The following ZNF385B variants were observed in gnomAD, a reference collection of about 807,000 sequenced individuals.
The protein encoded by ZNF385B is zinc finger protein 533.
Under a neutral mutation model 39.2 loss-of-function variants are expected in ZNF385B, and 23 were observed. That is an observed-to-expected ratio of 0.59 (90% CI 0.42 to 0.83). The LOEUF is 0.83. Ranked by LOEUF, ZNF385B falls within the 40% of genes least tolerant of loss-of-function variation. The pLI, the probability that ZNF385B is intolerant of heterozygous loss-of-function variation, is 0.00. For missense variants in ZNF385B, 552 were observed against 598.9 expected, an observed-to-expected ratio of 0.92 and a Z score of 0.82; for synonymous variants, 205 against 222.6, an observed-to-expected ratio of 0.92 and a Z score of 0.70.
At chr2:179,453,997 G>A (rs373731781) in intron 6 of ZNF385B, among the ~76,000 whole-genome samples, 4 of 152,232 alleles carry the variant, frequency 2.6e-5, no homozygotes, top group East Asian at 3.9e-4. Context: ...AATGGAAAGC[G>A]CAAGAATCAG....
chr2:179,588,170 G>A (rs1574914045), intron 3 of ZNF385B, among the ~76,000 whole-genome samples: 1 of 151,950 alleles, frequency 6.6e-6, no homozygotes. Context: ...CTCACTGCAA[G>A]CTCCGCCTCC....
intron 5 of ZNF385B, among the ~76,000 whole-genome samples, chr2:179,510,039 A>T (rs1015616346): frequency 6.6e-6 from 1 of 152,210 alleles, no homozygotes; most frequent in Non-Finnish European, 1.5e-5. Flanking sequence ...CTTAGTCACT[A>T]GTATTCTTGA....
chr2:179,805,179 T>C (rs187340008), intron 1 of ZNF385B, among the ~76,000 whole-genome samples: 53 of 152,272 alleles, frequency 3.5e-4, no homozygotes, highest in East Asian at 7.7e-4. Context: ...CCATGCCATA[T>C]GGAGAGGTTA....
At chr2:179,786,862 A>C (rs1402487603) in intron 1 of ZNF385B, among the ~76,000 whole-genome samples, 1 of 152,106 alleles carries the variant, frequency 6.6e-6, no homozygotes, top group Non-Finnish European at 1.5e-5. Flanking sequence ...TCTCTAGATT[A>C]GCTATACCAA....
intron 3 of ZNF385B, among the ~76,000 whole-genome samples, chr2:179,640,837 T>A (rs989908622): frequency 2.6e-5 from 4 of 152,256 alleles, no homozygotes; most frequent in African/African-American, 9.6e-5. Context: ...CCTGAACAAT[T>A]TTCAGTTTCT....
chr2:179,858,670 G>A (rs761839122), intron 1 of ZNF385B, among the ~76,000 whole-genome samples: 7 of 151,938 alleles, frequency 4.6e-5, no homozygotes, highest in African/African-American at 7.3e-5. Context: ...ATAATGAAAC[G>A]GCGTGGAGGG....
chr2:179,499,632 G>C (rs1288409516), intron 5 of ZNF385B, among the ~76,000 whole-genome samples: 1 of 151,838 alleles, frequency 6.6e-6, no homozygotes, highest in Non-Finnish European at 1.5e-5. Flanking sequence ...GAGGATAGAA[G>C]GAACACACCT....
chr2:179,653,161 G>A (rs1042024267), intron 3 of ZNF385B, among the ~76,000 whole-genome samples: 1 of 152,168 alleles, frequency 6.6e-6, no homozygotes, highest in African/African-American at 2.4e-5. Context: ...ATGGCTGGCT[G>A]TGACACATGC....
At chr2:179,683,186 G>A (rs572365535) in intron 3 of ZNF385B, among the ~76,000 whole-genome samples, 7 of 151,656 alleles carry the variant, frequency 4.6e-5, no homozygotes, top group South Asian at 2.1e-4. Flanking sequence ...TCAAGAGTTC[G>A]AAACCAGCCT....
At chr2:179,475,820 C>G (rs566138552) in intron 6 of ZNF385B, among the ~76,000 whole-genome samples, 1 of 150,944 alleles carries the variant, frequency 6.6e-6, no homozygotes, top group Non-Finnish European at 1.5e-5. Context: ...AGTTCGAGAC[C>G]AGCCTGGCTA....
chr2:179,544,017 C>T (rs138059842), intron 4 of ZNF385B, among the ~76,000 whole-genome samples: 1 of 152,234 alleles, frequency 6.6e-6, no homozygotes, highest in Non-Finnish European at 1.5e-5. Flanking sequence ...TGTCATGCCC[C>T]AACTAACTGT....
intron 6 of ZNF385B, among the ~76,000 whole-genome samples, chr2:179,481,822 C>T (rs2054028399): frequency 6.6e-6 from 1 of 152,172 alleles, no homozygotes; most frequent in Non-Finnish European, 1.5e-5. Context: ...CTCTTCCAAA[C>T]ATTGGGTAGC....
intron 1 of ZNF385B, among the ~76,000 whole-genome samples, chr2:179,792,253 A>ACAACT (rs1215478200): frequency 2.0e-5 from 3 of 152,044 alleles, no homozygotes; most frequent in Non-Finnish European, 4.4e-5. Context: ...AGGGACCCCC[A>ACAACT]CAACTCTAAT....
At chr2:179,785,440 T>C (rs1052813366) in intron 1 of ZNF385B, among the ~76,000 whole-genome samples, 4 of 152,140 alleles carry the variant, frequency 2.6e-5, no homozygotes, top group African/African-American at 9.6e-5. Context: ...CTGCCATCAA[T>C]AGTGAGTCCT....
intron 5 of ZNF385B, among the ~76,000 whole-genome samples, chr2:179,485,414 T>C (rs1445516783): frequency 6.6e-6 from 1 of 152,172 alleles, no homozygotes; most frequent in African/African-American, 2.4e-5. Context: ...TTCTTCTGAC[T>C]TTCCTGCTTG....
At chr2:179,762,149 G>A (rs565344669) in intron 3 of ZNF385B, among the ~76,000 whole-genome samples, 21 of 152,106 alleles carry the variant, frequency 1.4e-4, no homozygotes, top group Admixed American at 2.6e-4. Flanking sequence ...GTGATCATGT[G>A]ACTTCTCTTC....
intron 6 of ZNF385B, among the ~76,000 whole-genome samples, chr2:179,453,854 A>T (rs2050403144): frequency 6.6e-6 from 1 of 152,178 alleles, no homozygotes; most frequent in South Asian, 2.1e-4. Context: ...AGCCTTATGA[A>T]GAATTCACAC....
intron 6 of ZNF385B, among the ~76,000 whole-genome samples, chr2:179,459,621 G>GTGTA (rs1553556164): frequency 2.9e-4 from 42 of 146,946 alleles, no homozygotes; most frequent in African/African-American, 1.1e-3. Flanking sequence ...GTGTGTATGT[G>GTGTA]TGTGTGGATT....
At chr2:179,496,704 G>GA (rs1159559508) in intron 5 of ZNF385B, among the ~76,000 whole-genome samples, 1 of 151,966 alleles carries the variant, frequency 6.6e-6, no homozygotes, top group East Asian at 1.9e-4. Context: ...AGAACTGAAG[G>GA]AAAAAAATCT....
Sources: gnomAD v4.1 joint callset for allele counts (sites outside exome capture counted in the v4.1 genomes callset) on GRCh38, gnomAD v4.1.1 for gene constraint, MANE v1.5 for transcripts, NCBI Gene and HGNC (gene_info 2026-07-23, HGNC 2026-07-21) for gene names.